SBNO1: variants seen among roughly 807,000 people sequenced by gnomAD.
The protein encoded by SBNO1 is protein strawberry notch homolog 1.
In SBNO1, 23 loss-of-function variants were observed where a neutral mutation model predicts 173.6. The observed-to-expected ratio is 0.13, with a 90% CI of 0.10 to 0.19. SBNO1 has a LOEUF of 0.19. Ranked by LOEUF, SBNO1 falls within the 10% of genes least tolerant of loss-of-function variation. The pLI is 1.00. For synonymous variants in SBNO1, 632 were observed against 571.5 expected (o/e 1.11, Z -1.51); for missense variants, 1,238 against 1,671.2 (o/e 0.74, Z 4.52).
In SBNO1 at chr12:123,341,817, C is replaced by T. The variant is rs1054061969; in HGVS notation, c.551-729G>A. 4.0e-5 allele frequency among the ~76,000 whole-genome samples: 6 copies of T among 151,176 alleles called. No individual in the cohort carries two copies. In the East Asian group the frequency reaches 6.0e-4, roughly 15 times the overall value. ...TGCTGGGATTACAGGCGTGAGCCAC[C>T]GCACCTGGCCTCTATTACTAATTTA... On this transcript the variant is annotated intron_variant, in intron 4 of 31. Coordinates refer to ENST00000602398, the MANE Select transcript of SBNO1 (RefSeq NM_001167856.3).
intron 1 of SBNO1, among the ~76,000 whole-genome samples, chr12:123,356,696 G>A (rs1292369703): frequency 6.6e-6 from 1 of 152,124 alleles, no homozygotes; most frequent in Non-Finnish European, 1.5e-5. Context: ...CATCCGCCTC[G>A]GCCTCCCACA....
chr12:123,336,264 T>C, intron 6 of SBNO1, 131 bp downstream of exon 6: 1 of 638,560 alleles, frequency 1.6e-6, no homozygotes, highest in Non-Finnish European at 2.7e-6. Context: ...CAAGCTTCTT[T>C]AGTTTTGGTT....
chr12:123,341,407 C>T lies in SBNO1; in HGVS notation c.551-319G>A, dbSNP rs146230988. On this transcript the variant is annotated intron_variant, in intron 4 of 31. Coordinates refer to ENST00000602398, the MANE Select transcript of SBNO1 (RefSeq NM_001167856.3). Reference sequence around the variant, plus strand: ...AGGTTGAAATGAGCCGAGATTGCACCACTGCACTTCAGCCTGGGTGACAGA... The same window carrying T: ...AGGTTGAAATGAGCCGAGATTGCACTACTGCACTTCAGCCTGGGTGACAGA... Among the ~76,000 whole-genome samples, 288 of 152,234 alleles carry T rather than the reference C, an allele frequency of 1.9e-3. 2 individuals are homozygous for T. The highest frequency in any genetic ancestry group is 6.8e-3 in the Middle Eastern group (2 of 294).
In SBNO1 at chr12:123,312,350, T is replaced by C. The variant is rs1236651629; in HGVS notation, c.3221-1221A>G. Among the ~76,000 whole-genome samples the C allele has an allele frequency of 2.6e-5, 4 of 152,170 alleles. No individual in the cohort carries two copies. In the East Asian group the frequency reaches 5.8e-4, roughly 22 times the overall value. On this transcript the variant is annotated intron_variant, in intron 24 of 31. Coordinates refer to ENST00000602398, the MANE Select transcript of SBNO1 (RefSeq NM_001167856.3). ...TAATGATGAACACCTCTAACTGGTA[T>C]GTCAATATGAACTGTTAACAACACA...
chr12:123,297,595 G>A (rs1050795446), intron 31 of SBNO1, among the ~76,000 whole-genome samples: 1 of 151,888 alleles, frequency 6.6e-6, no homozygotes, highest in Non-Finnish European at 1.5e-5. Flanking sequence ...CTTGCTCCCT[G>A]CAGGACACCA....
At chr12:123,311,291 ACT>A (rs1376734232) in intron 24 of SBNO1, among the ~76,000 whole-genome samples, 162 bp from the exon 25 acceptor site, 9 of 152,184 alleles carry the variant, frequency 5.9e-5, no homozygotes, top group African/African-American at 2.2e-4. Flanking sequence ...GCCCTTGTTC[ACT>A]CTGTCATCTG....
chr12:123,340,849 A>C, intron 5 of SBNO1, 139 bp downstream of exon 5: 1 of 628,302 alleles, frequency 1.6e-6, no homozygotes. Context: ...AGGTTTAAGC[A>C]TATCCATTAG....
intron 5 of SBNO1, among the ~76,000 whole-genome samples, chr12:123,339,303 T>C (rs1872256106): frequency 6.6e-6 from 1 of 152,050 alleles, no homozygotes; most frequent in Non-Finnish European, 1.5e-5. Flanking sequence ...CAATCCCCTC[T>C]GCAAGGTCTC....
At chr12:123,364,555 GAGC>G (rs1875894765) in intron 1 of SBNO1, 143 bp downstream of exon 1, 1 of 983,612 alleles carries the variant, frequency 1.0e-6, no homozygotes. Context: ...CGGCCGCGAG[GAGC>G]GGCAAGCGGC....
intron 6 of SBNO1, 78 bp downstream of exon 6, chr12:123,336,316 GA>G: frequency 3.2e-6 from 3 of 950,470 alleles, no homozygotes; most frequent in East Asian, 2.5e-5. Flanking sequence ...AATTTATATG[GA>G]AAAAAACAAA....
intron 15 of SBNO1, among the ~76,000 whole-genome samples, chr12:123,324,714 G>A (rs1870408478): frequency 6.6e-6 from 1 of 152,166 alleles, no homozygotes. Flanking sequence ...GAATGTGGAG[G>A]TTAGGCAAAC....
rs528002531 is a variant in SBNO1, at chr12:123,333,037, T to C, written c.909+1016A>G. Among the ~76,000 whole-genome samples the C allele has an allele frequency of 1.5e-3, 223 of 151,884 alleles. 1 individual carries two copies. Among genetic ancestry groups the C allele is most frequent in the African/African-American group, 5.0e-3 (207 of 41,458 alleles). On this transcript the variant is annotated intron_variant, in intron 7 of 31. Transcript: ENST00000602398. ...TACTCGGGAGGCTGAGGCAGAAGAA[T>C]GGCATGAACCTGGGAGGCGGAGGTT... is the stretch of plus-strand genomic sequence containing the variant.
chr12:123,319,835 C>T (rs182894688), intron 20 of SBNO1, 65 bp downstream of exon 20: 1 of 1,458,138 alleles, frequency 6.9e-7, no homozygotes, highest in Non-Finnish European at 9.5e-7. Context: ...AAAGACTCTT[C>T]TAAAGCTTAA....
chr12:123,346,882 AGCATG>A (rs1873219605), intron 3 of SBNO1, among the ~76,000 whole-genome samples: 1 of 151,876 alleles, frequency 6.6e-6, no homozygotes, highest in Admixed American at 6.6e-5. Context: ...GCTCAAGACT[AGCATG>A]GCCAACATGG....
At chr12:123,357,652 G>C (rs911931028) in intron 1 of SBNO1, among the ~76,000 whole-genome samples, 1 of 152,050 alleles carries the variant, frequency 6.6e-6, no homozygotes, top group Non-Finnish European at 1.5e-5. Flanking sequence ...CTACTCGGGA[G>C]GCTGAGACAG....
At chr12:123,307,024 A>AAAAAAAAAAAAAAAAAAAAAC (rs2048933669) in intron 28 of SBNO1, among the ~76,000 whole-genome samples, 1 of 147,314 alleles carries the variant, frequency 6.8e-6, no homozygotes, top group Non-Finnish European at 1.5e-5. Flanking sequence ...CTGCATTAAA[A>AAAAAAAAAAAAAAAAAAAAAC]AAAAAAAAAA....
chr12:123,345,462 G>T lies in SBNO1; in HGVS notation c.346C>A (p.Gln116Lys). 6.2e-7 allele frequency: 1 copy of T among 1,614,128 alleles called. No homozygotes were observed. The highest frequency in any genetic ancestry group is 8.5e-7 in the Non-Finnish European group (1 of 1,179,994). ...TKTPPVTTNR[Q>K]TITLTKFIQT... ...ATAAACTTAGTTAAAGTGATGGTTT[G>T]CCTGTTGGTTGTTACAGGTGGTGTT... Residue 116 changes from glutamine to lysine, a missense_variant, in exon 4 of 32, where the codon CAA becomes AAA. Gln to Lys is a moderately conservative substitution (Grantham distance 53). Transcript: ENST00000602398.
chr12:123,321,473 C>A, intron 17 of SBNO1, 62 bp downstream of exon 17: 2 of 1,201,140 alleles, frequency 1.7e-6, no homozygotes, highest in East Asian at 2.3e-5. Flanking sequence ...GGTTTCATAT[C>A]CCATTTTCAA....
At chr12:123,311,371 T>G (rs866069139) in intron 24 of SBNO1, among the ~76,000 whole-genome samples, 4 of 152,182 alleles carry the variant, frequency 2.6e-5, no homozygotes, top group Non-Finnish European at 5.9e-5. Flanking sequence ...TTATACATGT[T>G]AAGATTCTTT....
Sources: allele counts gnomAD v4.1 joint callset (sites outside exome capture counted in the v4.1 genomes callset), GRCh38; gene constraint gnomAD v4.1.1; transcripts MANE v1.5; gene names NCBI Gene and HGNC (gene_info 2026-07-23, HGNC 2026-07-21).